Variants in ANKS6 observed in about 807,000 individuals in gnomAD.
ANKS6 encodes the protein ankyrin repeat and sterile alpha motif domain containing 6, also known as ankyrin repeat and SAM domain-containing protein 6.
In ANKS6, 47 loss-of-function variants were observed where a neutral mutation model predicts 77.9. That is an observed-to-expected ratio of 0.60 (90% CI 0.48 to 0.77). The LOEUF is 0.77. Ranked by LOEUF, ANKS6 falls within the 30% of genes least tolerant of loss-of-function variation. The pLI is 0.00. For synonymous variants in ANKS6, 488 were observed against 501.7 expected, an observed-to-expected ratio of 0.97 and a Z score of 0.37; for missense variants, 1,150 against 1,159.1, an observed-to-expected ratio of 0.99 and a Z score of 0.11.
intron 8 of ANKS6, among the ~76,000 whole-genome samples, chr9:98,774,359 G>T (rs867725122): frequency 6.6e-6 from 1 of 152,204 alleles, no homozygotes; most frequent in Non-Finnish European, 1.5e-5. Flanking sequence ...AGATGATGTT[G>T]GTGTGCTGTG....
In ANKS6 at chr9:98,796,217, G is replaced by A. The variant is rs1393590635; in HGVS notation, c.275C>T (p.Pro92Leu). Reference sequence around the variant, plus strand: ...GCGGCGCAGCAGGAAGCGCACCAGCGGTTCGTGGCCCCCGGCCGCGGCGAA... The same window carrying A: ...GCGGCGCAGCAGGAAGCGCACCAGCAGTTCGTGGCCCCCGGCCGCGGCGAA... The part of the protein sequence containing the change: ...LQFAAAGGHE[P>L]LVRFLLRRGA... The change falls in exon 1 of 15, where the codon CCG (proline) becomes CTG (leucine). Residue 92 changes from proline (P) to leucine (L), a missense_variant. Coordinates refer to ENST00000353234, the MANE Select transcript of ANKS6 (RefSeq NM_173551.5). The A allele has an allele frequency of 2.8e-6, 4 of 1,414,280 alleles. No homozygotes were observed. Among genetic ancestry groups the A allele is most frequent in the East Asian group, 6.1e-5 (2 of 32,616 alleles). 87.6% of individuals were successfully genotyped at this position (1,414,280 alleles called of 1,614,324 possible).
intron 3 of ANKS6, 68 bp downstream of exon 3, chr9:98,784,763 CA>C: frequency 6.9e-7 from 1 of 1,457,756 alleles, no homozygotes; most frequent in Non-Finnish European, 9.5e-7. Context: ...CAAAGGACTA[CA>C]AATATTAGGT....
At chr9:98,738,155 C>G (rs1329306468) in intron 14 of ANKS6, among the ~76,000 whole-genome samples, 1 of 152,098 alleles carries the variant, frequency 6.6e-6, no homozygotes, top group African/African-American at 2.4e-5. Flanking sequence ...TTGGAAAAAC[C>G]CTTCTATACA....
chr9:98,769,058 G>A (rs1419185329), intron 10 of ANKS6, among the ~76,000 whole-genome samples: 3 of 72,810 alleles, frequency 4.1e-5, no homozygotes, highest in South Asian at 6.8e-4. Flanking sequence ...ACCCAGAAGG[G>A]GGAGGCTGCA....
Position 98,791,085 on chromosome 9 carries a change from G to A in ANKS6, c.360-479C>T, listed in dbSNP as rs1451745676. Among the ~76,000 whole-genome samples the A allele has an allele frequency of 6.6e-6, 1 of 152,232 alleles. No individual in the cohort carries two copies. The highest frequency in any genetic ancestry group is 1.5e-5 in the Non-Finnish European group (1 of 68,046). On this transcript the variant is annotated intron_variant, in intron 1 of 14. Transcript: ENST00000353234. This position sits in a 1 kb window ranked among gnomAD's most constrained non-coding sequence, Gnocchi z 4.3. ...AGGGGTGGCATCAGGGTCAGGACAG[G>A]TCTGTGTGAATGCCGCTGCCCTTGC...
chr9:98,758,874 GAA>G (rs1832861805), intron 11 of ANKS6, among the ~76,000 whole-genome samples: 1 of 151,838 alleles, frequency 6.6e-6, no homozygotes, highest in African/African-American at 2.4e-5. Context: ...ATCCTGGTAA[GAA>G]AAAAAATATC....
intron 12 of ANKS6, among the ~76,000 whole-genome samples, chr9:98,753,502 A>G (rs1442357353): frequency 6.6e-6 from 1 of 152,174 alleles, no homozygotes; most frequent in Non-Finnish European, 1.5e-5. Flanking sequence ...CATGTAGACA[A>G]TATCTATAAG....
At chr9:98,793,165 G>A (rs1455109449) in intron 1 of ANKS6, among the ~76,000 whole-genome samples, 6 of 152,202 alleles carry the variant, frequency 3.9e-5, no homozygotes, top group African/African-American at 1.4e-4. Context: ...GAAGGGTAGG[G>A]AAGGAAGGTA....
chr9:98,788,425 G>C (rs964402483), intron 2 of ANKS6, among the ~76,000 whole-genome samples: 9 of 147,592 alleles, frequency 6.1e-5, no homozygotes, highest in African/African-American at 2.2e-4. Flanking sequence ...CAGGTGTGCT[G>C]GGCACGGCAG....
chr9:98,773,246 T>C (rs1310183669), intron 9 of ANKS6, among the ~76,000 whole-genome samples: 2 of 152,160 alleles, frequency 1.3e-5, no homozygotes, highest in Non-Finnish European at 2.9e-5. Context: ...CCCCATCGTA[T>C]AGAGATAGAG....
intron 5 of ANKS6, among the ~76,000 whole-genome samples, 195 bp from the exon 6 acceptor site, chr9:98,780,532 T>C (rs1834185216): frequency 6.6e-6 from 1 of 152,200 alleles, no homozygotes; most frequent in African/African-American, 2.4e-5. Context: ...CTTAACCTAC[T>C]TAACCAGAAA....
At chr9:98,737,127 CT>C (rs570856089) in intron 14 of ANKS6, among the ~76,000 whole-genome samples, 38 of 152,340 alleles carry the variant, frequency 2.5e-4, no homozygotes, top group Non-Finnish European at 3.7e-4. Flanking sequence ...CCCCTGCCCC[CT>C]ATACACACAT....
chr9:98,794,148 C>CAACAAAAAAA (rs1554751920), intron 1 of ANKS6, among the ~76,000 whole-genome samples: 1 of 109,994 alleles, frequency 9.1e-6, no homozygotes, highest in Non-Finnish European at 1.8e-5. Flanking sequence ...GACTCCGTCT[C>CAACAAAAAAA]AAAAAAAAAA....
At position 98,756,512 on chromosome 9, in the gene ANKS6, C is replaced by T. The variant is rs1053220466; in HGVS notation, c.2234G>A (p.Gly745Glu). Residue 745 changes from glycine (G) to glutamate (E), a missense_variant, in exon 12 of 15, where the codon GGG becomes GAG. Physicochemically the swap from Gly to Glu is moderately conservative, Grantham distance 98. Transcript: ENST00000353234. ...AGACACTGAGGACTCTGCAGTGTGC[C>T]CTTTGGGTGAGGGGGAGGGCGTGAG... The part of the protein sequence containing the change: ...PTLTPSPSPK[G>E]HTAESSVSSS... The T allele has an allele frequency of 3.1e-6, 5 of 1,610,114 alleles. No homozygotes were observed. The highest frequency in any genetic ancestry group is 1.7e-5 in the Admixed American group (1 of 59,364).
At chr9:98,740,489 C>T (rs1831765215) in intron 14 of ANKS6, among the ~76,000 whole-genome samples, 1 of 152,212 alleles carries the variant, frequency 6.6e-6, no homozygotes, top group African/African-American at 2.4e-5. Flanking sequence ...GCCAGCGCTG[C>T]ACTGAAGCTC....
intron 12 of ANKS6, among the ~76,000 whole-genome samples, chr9:98,751,566 T>C (rs1832432119): frequency 6.6e-6 from 1 of 152,106 alleles, no homozygotes; most frequent in Non-Finnish European, 1.5e-5. Context: ...TTGGCTCAAG[T>C]GTGCAGAGGC....
chr9:98,787,352 C>A (rs376945327), intron 2 of ANKS6, among the ~76,000 whole-genome samples: 8 of 151,302 alleles, frequency 5.3e-5, no homozygotes, highest in Non-Finnish European at 1.0e-4. Context: ...CTTTGCCACA[C>A]CCAACCTCTT....
In ANKS6 at chr9:98,777,213, T is replaced by C. The variant is rs187821543; in HGVS notation, c.1617+192A>G. On this transcript the variant is annotated intron_variant, in intron 8 of 14. Coordinates refer to ENST00000353234, the MANE Select transcript of ANKS6 (RefSeq NM_173551.5). ...CAGCGGGTGAGCACCAGCACAGCCCTCTCCACAGTTTAGAGCTGGCATCTG... is the reference window on the plus strand; with the variant it reads ...CAGCGGGTGAGCACCAGCACAGCCCCCTCCACAGTTTAGAGCTGGCATCTG... Among the ~76,000 whole-genome samples the C allele has an allele frequency of 2.0e-5, 3 of 152,286 alleles. No individual in the cohort carries two copies. In the East Asian group the frequency reaches 5.8e-4, roughly 29 times the overall value.
At chr9:98,750,295 G>T (rs1177233924) in intron 13 of ANKS6, among the ~76,000 whole-genome samples, 1 of 152,194 alleles carries the variant, frequency 6.6e-6, no homozygotes, top group East Asian at 1.9e-4. Flanking sequence ...TTTTGTGACT[G>T]GTTTCTTCCA....
Sources: allele counts gnomAD v4.1 joint callset (sites outside exome capture counted in the v4.1 genomes callset), GRCh38; gene constraint gnomAD v4.1.1; non-coding constraint Gnocchi (gnomAD v3.1); transcripts MANE v1.5; gene names NCBI Gene and HGNC (gene_info 2026-07-23, HGNC 2026-07-21).